PTPRT: variants seen among roughly 807,000 people sequenced by gnomAD.
The protein encoded by PTPRT is receptor-type tyrosine-protein phosphatase T.
Under a neutral mutation model 176.8 loss-of-function variants are expected in PTPRT, and 56 were observed. The ratio of observed to expected loss-of-function variants is 0.32; its 90% CI spans 0.26 to 0.40. The LOEUF is 0.40. Among genes scored for constraint, PTPRT ranks in the 10% least tolerant of loss-of-function variants. The probability of loss-of-function intolerance (pLI) is 1.00; values close to 1 mark genes in which losing one functional copy is unlikely to be tolerated. For missense variants in PTPRT, 1,540 were observed against 1,908.2 expected (o/e 0.81, Z 3.60); for synonymous variants, 783 against 739.0 (o/e 1.06, Z -0.96).
intron 1 of PTPRT, among the ~76,000 whole-genome samples, chr20:42,960,833 G>T (rs1226299376): frequency 6.6e-6 from 1 of 152,194 alleles, no homozygotes; most frequent in Non-Finnish European, 1.5e-5. Flanking sequence ...ATTTCCCTAT[G>T]TTGGGAGAAT....
intron 7 of PTPRT, among the ~76,000 whole-genome samples, chr20:42,591,930 G>A (rs1342637832): frequency 6.6e-6 from 1 of 151,086 alleles, no homozygotes; most frequent in African/African-American, 2.4e-5. Context: ...CTTAGTCTCT[G>A]TGGCCACCAG....
chr20:42,619,991 C>T lies in PTPRT; in HGVS notation c.1153+57875G>A, dbSNP rs182925096. Among the ~76,000 whole-genome samples, 96 of 149,956 alleles carry T rather than the reference C, an allele frequency of 6.4e-4. 1 individual carries two copies. The highest frequency in any genetic ancestry group is 1.1e-3 in the South Asian group (5 of 4,714). On this transcript the variant is annotated intron_variant, in intron 7 of 30. Coordinates refer to ENST00000373187, the MANE Select transcript of PTPRT (RefSeq NM_007050.6). Reference sequence around the variant, plus strand: ...TTGTTCCGTTGCTGGTGAGGAACTGCGTTCCTTTGGAGGAGGAGAGGCGCT... The same window carrying T: ...TTGTTCCGTTGCTGGTGAGGAACTGTGTTCCTTTGGAGGAGGAGAGGCGCT...
intron 1 of PTPRT, among the ~76,000 whole-genome samples, chr20:43,163,317 GT>G (rs2014751573): frequency 1.3e-5 from 2 of 152,066 alleles, no homozygotes; most frequent in Admixed American, 1.3e-4. Flanking sequence ...AAGTGTTCAC[GT>G]GGTCCACGCA....
chr20:42,299,209 T>C (rs2057425933), intron 12 of PTPRT, among the ~76,000 whole-genome samples: 2 of 152,148 alleles, frequency 1.3e-5, no homozygotes, highest in Non-Finnish European at 2.9e-5. Flanking sequence ...AGAACCACGT[T>C]ATAATGTTTT....
At chr20:42,723,143 T>C (rs757460415) in intron 6 of PTPRT, among the ~76,000 whole-genome samples, 11 of 152,204 alleles carry the variant, frequency 7.2e-5, no homozygotes, top group Non-Finnish European at 1.3e-4. Context: ...TAAATGTATA[T>C]AGAGTGCTTA....
At position 42,771,424 on chromosome 20, in the gene PTPRT, C is replaced by A. The variant is rs1406262792; in HGVS notation, c.684+11G>T. On this transcript the variant is annotated intron_variant, in intron 5 of 30. Transcript: ENST00000373187. ...CTAACGAGTCTGAGCAGAGGCTTCT[C>A]TCATGCTTACCTGGAGCCAAAGCTT... The A allele has an allele frequency of 6.2e-7, 1 of 1,607,754 alleles. No homozygotes were observed. The highest frequency in any genetic ancestry group is 8.5e-7 in the Non-Finnish European group (1 of 1,174,242).
intron 6 of PTPRT, among the ~76,000 whole-genome samples, chr20:42,693,033 CT>C (rs2075816256): frequency 6.6e-6 from 1 of 152,166 alleles, no homozygotes; most frequent in Non-Finnish European, 1.5e-5. Context: ...GGTTAACGCA[CT>C]TTATGTCCTT....
At chr20:43,068,635 C>G (rs889452940) in intron 1 of PTPRT, among the ~76,000 whole-genome samples, 1 of 151,592 alleles carries the variant, frequency 6.6e-6, no homozygotes, top group Admixed American at 6.6e-5. Context: ...GATTTAAGAG[C>G]AAGATCAAGG....
intron 2 of PTPRT, among the ~76,000 whole-genome samples, chr20:42,861,987 A>G (rs1404438528): frequency 1.1e-4 from 16 of 152,222 alleles, no homozygotes. Flanking sequence ...AATGCAGGCC[A>G]CATTTATACT....
intron 1 of PTPRT, among the ~76,000 whole-genome samples, chr20:43,097,222 AG>A (rs1452757923): frequency 3.3e-5 from 5 of 152,218 alleles, no homozygotes; most frequent in African/African-American, 1.2e-4. Context: ...CTACAGGATC[AG>A]AGAAACTCAT....
chr20:42,516,514 C>G (rs1046905738), intron 7 of PTPRT, among the ~76,000 whole-genome samples: 4 of 152,252 alleles, frequency 2.6e-5, no homozygotes, highest in African/African-American at 7.2e-5. Flanking sequence ...GTTTATATTA[C>G]ATGACTAGAC....
intron 7 of PTPRT, among the ~76,000 whole-genome samples, chr20:42,634,057 AATATATAATATATATATAATAT>A (rs1457278701): frequency 3.3e-5 from 1 of 30,620 alleles, no homozygotes; most frequent in East Asian, 8.9e-4. Flanking sequence ...ATATATTATA[AATATATAATATATATATAATAT>A]ATATATAATA....
intron 7 of PTPRT, among the ~76,000 whole-genome samples, chr20:42,571,746 G>T (rs1350986356): frequency 1.3e-5 from 2 of 152,040 alleles, no homozygotes; most frequent in African/African-American, 4.8e-5. Flanking sequence ...CCAGGAAGAG[G>T]ACCCCAACCC....
intron 8 of PTPRT, among the ~76,000 whole-genome samples, chr20:42,454,807 T>C (rs1369535687): frequency 6.6e-6 from 1 of 152,234 alleles, no homozygotes; most frequent in Non-Finnish European, 1.5e-5. Flanking sequence ...GAGACAAATT[T>C]AGTAGCAGAC....
chr20:42,166,982 A>G (rs562001903), intron 16 of PTPRT, among the ~76,000 whole-genome samples: 1 of 152,074 alleles, frequency 6.6e-6, no homozygotes, highest in African/African-American at 2.4e-5. Context: ...CTGCACCCTG[A>G]GAAATGTTGA....
intron 3 of PTPRT, among the ~76,000 whole-genome samples, chr20:42,788,725 C>T (rs530732595): frequency 4.9e-4 from 75 of 152,264 alleles, no homozygotes; most frequent in African/African-American, 1.5e-3. Context: ...GAGATAGCTG[C>T]GGGATTCTCC....
chr20:42,242,540 T>C (rs2056374688), intron 14 of PTPRT, among the ~76,000 whole-genome samples: 1 of 152,188 alleles, frequency 6.6e-6, no homozygotes, highest in African/African-American at 2.4e-5. Context: ...GAAGGGTTTA[T>C]AGGAGAAAGT....
chr20:42,282,048 C>T (rs1600776019), intron 13 of PTPRT, among the ~76,000 whole-genome samples: 1 of 152,030 alleles, frequency 6.6e-6, no homozygotes, highest in African/African-American at 2.4e-5. Context: ...TTACTAAAGG[C>T]CCCAGTACTA....
chr20:42,317,012 C>T (rs1405960607), intron 11 of PTPRT, among the ~76,000 whole-genome samples: 3 of 152,198 alleles, frequency 2.0e-5, no homozygotes, highest in South Asian at 4.1e-4. Context: ...TTACTTATCT[C>T]TGCCTCATTC....
Sources: allele counts gnomAD v4.1 joint callset (sites outside exome capture counted in the v4.1 genomes callset), GRCh38; gene constraint gnomAD v4.1.1; transcripts MANE v1.5; gene names NCBI Gene and HGNC (gene_info 2026-07-23, HGNC 2026-07-21).